Variants in FHIT observed in about 807,000 individuals in gnomAD.
FHIT encodes fragile histidine triad diadenosine triphosphatase.
In FHIT, 19 loss-of-function variants were observed where a neutral mutation model predicts 17.9. The ratio of observed to expected loss-of-function variants is 1.06; its 90% CI spans 0.74 to 1.56. The LOEUF (loss-of-function observed/expected upper bound fraction) is 1.56. Ranked by LOEUF, FHIT falls within the 40% of genes most tolerant of loss-of-function variation. The probability of loss-of-function intolerance (pLI) is 0.00; values close to 1 mark genes in which losing one functional copy is unlikely to be tolerated. For synonymous variants in FHIT, 81 were observed against 69.7 expected, an observed-to-expected ratio of 1.16 and a Z score of -0.81; for missense variants, 248 against 189.2, an observed-to-expected ratio of 1.31 and a Z score of -1.82.
intron 2 of FHIT, among the ~76,000 whole-genome samples, chr3:61,092,034 A>G (rs983042955): frequency 2.7e-5 from 4 of 150,540 alleles, no homozygotes; most frequent in African/African-American, 9.8e-5. Flanking sequence ...AGCAGGAAGA[A>G]TCAGCAACAA....
intron 7 of FHIT, among the ~76,000 whole-genome samples, chr3:59,989,194 T>G (rs965024301): frequency 6.6e-6 from 1 of 152,068 alleles, no homozygotes; most frequent in African/African-American, 2.4e-5. Context: ...TATTCTCATT[T>G]CAAGCCAGGC....
At chr3:59,759,261 A>G (rs1259920420) in intron 8 of FHIT, among the ~76,000 whole-genome samples, 1 of 143,864 alleles carries the variant, frequency 7.0e-6, no homozygotes, top group East Asian at 2.0e-4. Flanking sequence ...TTTGGATTTT[A>G]TTTTTGGTGT....
chr3:60,766,946 G>T (rs1206092913), intron 4 of FHIT, among the ~76,000 whole-genome samples: 4 of 152,108 alleles, frequency 2.6e-5, no homozygotes, highest in Non-Finnish European at 5.9e-5. Context: ...AATACCTTTT[G>T]GAATGTGGCA....
In FHIT at chr3:60,996,747, T is replaced by C. The variant is rs947158884; in HGVS notation, c.-111+45300A>G. ...CATTTTAAGATAAATGAATTCCTGC[T>C]TAAGTATGGGTGCATTTGAAGTGAG... On this transcript the variant is annotated intron_variant, in intron 3 of 9. Coordinates refer to ENST00000492590, the MANE Select transcript of FHIT (RefSeq NM_002012.4). 5.9e-5 allele frequency among the ~76,000 whole-genome samples: 9 copies of C among 152,236 alleles called. 1 individual carries two copies. The highest frequency in any genetic ancestry group is 2.2e-4 in the African/African-American group (9 of 41,466).
At chr3:61,239,776 T>TATATATATATATATATATATATATATAC (rs1560104308) in intron 1 of FHIT, among the ~76,000 whole-genome samples, 17 of 138,598 alleles carry the variant, frequency 1.2e-4, no homozygotes, top group African/African-American at 4.1e-4. Flanking sequence ...TATATATATA[T>TATATATATATATATATATATATATATAC]ATATATATAC....
chr3:61,184,793 A>G (rs2038454313), intron 2 of FHIT, among the ~76,000 whole-genome samples: 2 of 152,150 alleles, frequency 1.3e-5, no homozygotes, highest in South Asian at 4.1e-4. Flanking sequence ...TGACTTCAAG[A>G]GGTGGCCTCT....
intron 3 of FHIT, among the ~76,000 whole-genome samples, chr3:60,978,892 T>G (rs138469680): frequency 4.6e-5 from 7 of 152,320 alleles, no homozygotes; most frequent in Admixed American, 1.3e-4. Context: ...ATGGGTTGTG[T>G]AGAGTTGTAA....
At chr3:61,210,965 T>G (rs1389068034) in intron 1 of FHIT, among the ~76,000 whole-genome samples, 4 of 152,002 alleles carry the variant, frequency 2.6e-5, no homozygotes, top group African/African-American at 9.7e-5. Flanking sequence ...CGTTTTTTAT[T>G]GACATATAAC....
chr3:60,029,901 G>GTGTGTGTC (rs1553655756), intron 5 of FHIT, among the ~76,000 whole-genome samples: 12,418 of 142,434 alleles, frequency 0.087, 674 homozygotes, highest in Non-Finnish European at 0.13. Context: ...GTGTGTCTGT[G>GTGTGTGTC]TGTGTGTGTG....
At chr3:59,831,844 T>C (rs775438003) in intron 8 of FHIT, among the ~76,000 whole-genome samples, 5 of 152,070 alleles carry the variant, frequency 3.3e-5, no homozygotes, top group African/African-American at 4.8e-5. Flanking sequence ...AGCAGGGTGA[T>C]ATAGAGAGGG....
chr3:60,978,459 A>C (rs1018585878), intron 3 of FHIT, among the ~76,000 whole-genome samples: 1 of 152,194 alleles, frequency 6.6e-6, no homozygotes, highest in South Asian at 2.1e-4. Flanking sequence ...TTTTCTTTAC[A>C]GGTATTTCAC....
intron 5 of FHIT, among the ~76,000 whole-genome samples, chr3:60,405,652 G>A (rs77596793): frequency 0.049 from 7,448 of 152,218 alleles, 603 homozygotes; most frequent in African/African-American, 0.17. Context: ...CTAGCCAGAG[G>A]TCCCCAACTG....
At chr3:61,229,164 T>A (rs1241424355) in intron 1 of FHIT, among the ~76,000 whole-genome samples, 1 of 152,156 alleles carries the variant, frequency 6.6e-6, no homozygotes, top group African/African-American at 2.4e-5. Context: ...CAAATATAAT[T>A]AAGAATCTTG....
chr3:60,309,327 G>C lies in FHIT; in HGVS notation c.103+227533C>G, dbSNP rs143126174. On this transcript the variant is annotated intron_variant, in intron 5 of 9. Coordinates refer to ENST00000492590, the MANE Select transcript of FHIT (RefSeq NM_002012.4). ...ATGGTTAGAGGCTCTGGGAGGACAA[G>C]AGACCCCCATTTCCACTTCTGACAC... Among the ~76,000 whole-genome samples, 1,059 of 151,992 alleles carry C rather than the reference G, an allele frequency of 7.0e-3. 17 individuals are homozygous for C. Among genetic ancestry groups the C allele is most frequent in the South Asian group, 0.051 (243 of 4,796 alleles).
chr3:60,835,522 T>C (rs1553743656), intron 3 of FHIT, among the ~76,000 whole-genome samples: 1 of 152,220 alleles, frequency 6.6e-6, no homozygotes, highest in East Asian at 1.9e-4. Context: ...TGTCCACAGA[T>C]TCATTGCTAG....
chr3:60,264,837 A>G (rs540929930), intron 5 of FHIT, among the ~76,000 whole-genome samples: 2 of 149,322 alleles, frequency 1.3e-5, no homozygotes, highest in East Asian at 3.9e-4. Flanking sequence ...CTTTCACCTC[A>G]CTGTTTCTCA....
At position 60,011,372 on chromosome 3, in the gene FHIT, T is replaced by C. The variant is rs1397479831; in HGVS notation, c.278A>G (p.Lys93Arg). Residue 93 changes from lysine (K) to arginine (R), a missense_variant and splice_region_variant, in exon 7 of 10, where the codon AAG becomes AGG. Transcript: ENST00000492590. ...TGTATGCACATAATAAGCACTCACC[T>C]TCACAGTCTGTCCGGCTTCGGGGCC... ...QDGPEAGQTV[K>R]HVHVHVLPRK... 5.0e-6 allele frequency: 8 copies of C among 1,613,632 alleles called. No individual in the cohort carries two copies. The highest frequency in any genetic ancestry group is 1.7e-5 in the Admixed American group (1 of 60,000).
intron 7 of FHIT, among the ~76,000 whole-genome samples, chr3:59,960,260 G>A (rs369700467): frequency 1.2e-4 from 19 of 152,186 alleles, no homozygotes; most frequent in African/African-American, 4.3e-4. Flanking sequence ...AGAGACACTT[G>A]GTAGCTTTGA....
At chr3:60,809,014 G>A (rs902256393) in intron 4 of FHIT, among the ~76,000 whole-genome samples, 4 of 152,110 alleles carry the variant, frequency 2.6e-5, no homozygotes, top group Admixed American at 6.6e-5. Context: ...ATTTGCTTAT[G>A]TATAATTTGG....
Sources: gnomAD v4.1 joint callset for allele counts (sites outside exome capture counted in the v4.1 genomes callset) on GRCh38, gnomAD v4.1.1 for gene constraint, MANE v1.5 for transcripts, NCBI Gene and HGNC (gene_info 2026-07-23, HGNC 2026-07-21) for gene names.